The following BCR variants were observed in gnomAD, a reference collection of about 807,000 sequenced individuals.
BCR encodes the protein BCR activator of RhoGEF and GTPase, also known as breakpoint cluster region protein.
A neutral mutation model predicts 138.6 loss-of-function variants in BCR; 58 were observed. The observed-to-expected ratio is 0.42, with a 90% confidence interval of 0.34 to 0.52. The LOEUF is 0.52. Among genes scored for constraint, BCR ranks in the 20% least tolerant of loss-of-function variants. BCR has a pLI of 0.06. For synonymous variants in BCR, 786 were observed against 730.1 expected (o/e 1.08, Z -1.23); for missense variants, 1,599 against 1,727.2 (o/e 0.93, Z 1.32).
At chr22:23,219,224 G>A (rs150230232) in intron 1 of BCR, among the ~76,000 whole-genome samples, 2 of 152,358 alleles carry the variant, frequency 1.3e-5, no homozygotes, top group African/African-American at 4.8e-5. Context: ...CAACTGGGTA[G>A]GTGCTTCTCA....
chr22:23,290,590 G>GT (rs112463208), intron 14 of BCR, 177 bp downstream of exon 14: 146,117 of 649,910 alleles, frequency 0.22, 17,891 homozygotes, highest in Middle Eastern at 0.28. Flanking sequence ...GTGTGGAATT[G>GT]TTTTTCCCGG....
At position 23,271,464 on chromosome 22, in the gene BCR, G is replaced by A. The variant is rs899782830; in HGVS notation, c.1861-68G>A. The A allele has an allele frequency of 6.6e-6, 10 of 1,507,164 alleles. No homozygotes were observed. In the South Asian group the frequency reaches 9.0e-5, roughly 14 times the overall value. 93.4% of individuals were successfully genotyped at this position (1,507,164 alleles called of 1,614,324 possible). ...AGGGAAAGCTGAAATTGTTGCCAAA[G>A]GGGGAACTGTCTGCATCATCAAAGC... On this transcript the variant is annotated intron_variant, in intron 5 of 22. Transcript: ENST00000305877.
chr22:23,288,203 G>T (rs1751140694), intron 12 of BCR, 31 bp downstream of exon 12: 1 of 1,601,152 alleles, frequency 6.2e-7, no homozygotes, highest in Non-Finnish European at 8.6e-7. Flanking sequence ...GAGGGGCTGG[G>T]CTTCAAACCA....
chr22:23,181,874 A>G lies in BCR; in HGVS notation c.914A>G (p.Gln305Arg). 2.5e-6 allele frequency: 4 copies of G among 1,613,272 alleles called. No homozygotes were observed. The highest frequency in any genetic ancestry group is 1.6e-4 in the Middle Eastern group (1 of 6,062). The change falls in exon 1 of 23, where the codon CAG (glutamine) becomes CGG (arginine). Residue 305 changes from glutamine (Q) to arginine (R), a missense_variant. By Grantham distance (43) the Gln-to-Arg change is conservative. Around this residue, in one of 4 missense-constraint regions of BCR, gnomAD observed 806 missense variants for 635.0 expected, o/e 1.27. Coordinates refer to ENST00000305877, the MANE Select transcript of BCR (RefSeq NM_004327.4). ...PLLRSQSTSE[Q>R]EKRLTWPRRS... ...CTGCGCAGCCAGAGCACCTCTGAGC[A>G]GGAGAAGCGCCTTACCTGGCCCCGC...
chr22:23,264,127 A>C (rs1270359825), intron 4 of BCR: 1 of 1,521,384 alleles, frequency 6.6e-7, no homozygotes, highest in Non-Finnish European at 9.1e-7. Flanking sequence ...GAGGAGCCCC[A>C]CAACAGCACC....
chr22:23,218,584 G>A lies in BCR; in HGVS notation c.1280-35215G>A, dbSNP rs538467971. On this transcript the variant is annotated intron_variant, in intron 1 of 22. Coordinates refer to ENST00000305877, the MANE Select transcript of BCR (RefSeq NM_004327.4). ...TCTGGCCTGCTCAGTGGCAGGGTGC[G>A]GAGGTGAGGCTGGTGGCTGTTCTTC... Among the ~76,000 whole-genome samples, 22 of 152,332 alleles carry A rather than the reference G, an allele frequency of 1.4e-4. No individual in the cohort carries two copies. The South Asian group carries it at 3.3e-3, about 23-fold the overall frequency.
chr22:23,244,506 G>C (rs1159110617), intron 1 of BCR, among the ~76,000 whole-genome samples: 1 of 152,070 alleles, frequency 6.6e-6, no homozygotes, highest in African/African-American at 2.4e-5. Context: ...TCCTTCCTGG[G>C]TCTGTCTTCC....
At chr22:23,188,148 A>G (rs2072370850) in intron 1 of BCR, among the ~76,000 whole-genome samples, 1 of 152,238 alleles carries the variant, frequency 6.6e-6, no homozygotes, top group East Asian at 1.9e-4. Flanking sequence ...GCTCCTTTCC[A>G]TGGATGGAGA....
intron 6 of BCR, 93 bp from the exon 7 acceptor site, chr22:23,272,988 C>A (rs973130773): frequency 1.7e-5 from 23 of 1,392,586 alleles, no homozygotes; most frequent in Non-Finnish European, 2.1e-5. Flanking sequence ...GCTGGGGCAG[C>A]CCCCTCCCCA....
chr22:23,276,710 G>T (rs56119182), intron 8 of BCR, among the ~76,000 whole-genome samples: 5,446 of 152,362 alleles, frequency 0.036, 149 homozygotes, highest in African/African-American at 0.063. Context: ...GGCAGATGCT[G>T]CTGATCAGTT....
At chr22:23,245,542 AT>A (rs1162294253) in intron 1 of BCR, among the ~76,000 whole-genome samples, 1 of 152,040 alleles carries the variant, frequency 6.6e-6, no homozygotes, top group Non-Finnish European at 1.5e-5. Context: ...GGCTAACTGG[AT>A]GGGGCACGTC....
chr22:23,310,201 C>T, intron 17 of BCR, 123 bp from the exon 18 acceptor site: 1 of 544,778 alleles, frequency 1.8e-6, no homozygotes, highest in Non-Finnish European at 3.4e-6. Flanking sequence ...GGCTCCACCT[C>T]ATGCTGAGAC....
intron 5 of BCR, 131 bp from the exon 6 acceptor site, chr22:23,271,401 A>G: frequency 7.6e-6 from 7 of 918,032 alleles, no homozygotes; most frequent in South Asian, 1.5e-5. Flanking sequence ...CTGTGACTTC[A>G]TTATCAGCTC....
rs1156761912 is a variant in BCR at position 23,181,848 on chromosome 22, C to T, written c.888C>T (p.Leu296=). ...GMMEGEGKGP[L]LRSQSTSEQE... Reference sequence around the variant, plus strand: ...TGGAAGGGGAGGGCAAGGGCCCGCTCCTGCGCAGCCAGAGCACCTCTGAGC... The same window carrying T: ...TGGAAGGGGAGGGCAAGGGCCCGCTTCTGCGCAGCCAGAGCACCTCTGAGC... Residue 296 remains leucine, a synonymous_variant, in exon 1 of 23, where the codon CTC becomes CTT. Transcript: ENST00000305877. The T allele has an allele frequency of 3.1e-6, 5 of 1,612,544 alleles. No individual in the cohort carries two copies. The East Asian group carries it at 8.9e-5, about 29-fold the overall frequency.
chr22:23,265,576 G>T (rs1332201219), intron 4 of BCR, among the ~76,000 whole-genome samples: 2 of 152,242 alleles, frequency 1.3e-5, no homozygotes, highest in Non-Finnish European at 2.9e-5. Flanking sequence ...TGCACGGGCT[G>T]ACTTCCCTGC....
At chr22:23,283,306 A>G (rs1299697825) in intron 8 of BCR, 2 of 152,282 alleles carry the variant, frequency 1.3e-5, no homozygotes, top group Non-Finnish European at 2.9e-5. Flanking sequence ...GACCCTATCC[A>G]TCCTGTCTAG....
intron 1 of BCR, among the ~76,000 whole-genome samples, chr22:23,252,370 G>C (rs17611266): frequency 6.6e-6 from 1 of 151,296 alleles, no homozygotes; most frequent in Non-Finnish European, 1.5e-5. Flanking sequence ...TGCAAGGACC[G>C]TTCCTGACAT....
intron 1 of BCR, among the ~76,000 whole-genome samples, chr22:23,198,985 G>T (rs887210302): frequency 6.6e-6 from 1 of 152,050 alleles, no homozygotes; most frequent in Admixed American, 6.6e-5. Flanking sequence ...AGCTGGACGT[G>T]GGGGTGCACA....
Position 23,314,187 on chromosome 22 carries a change from C to CAA in BCR, c.3563+115_3563+116insAA, listed in dbSNP as rs1200071154. 5.9e-5 allele frequency: 50 copies of CAA among 844,032 alleles called. No individual in the cohort carries two copies. The African/African-American group carries it at 7.4e-4, about 12-fold the overall frequency. The allele number at this position is 844,032 out of a possible 1,614,324, so 52.3% of individuals were successfully genotyped here. The stretch of plus-strand genomic sequence containing the variant: ...GACCTTTTCTCCTGACCCTTGTCTG[C>CAA]AGTCACTCACTGCCTTTGGCGACTA... On this transcript the variant is annotated intron_variant, in intron 21 of 22. Transcript: ENST00000305877.
Sources: allele counts gnomAD v4.1 joint callset (sites outside exome capture counted in the v4.1 genomes callset), GRCh38; gene constraint gnomAD v4.1.1; regional missense constraint gnomAD v4.1.1; transcripts MANE v1.5; gene names NCBI Gene and HGNC (gene_info 2026-07-23, HGNC 2026-07-21).